The following NELL1 variants were observed in gnomAD, a reference collection of about 807,000 sequenced individuals.
NELL1 encodes protein kinase C-binding protein NELL1.
In NELL1, 76 loss-of-function variants were observed where a neutral mutation model predicts 107.4. The observed-to-expected ratio is 0.71, with a 90% CI of 0.59 to 0.86. The LOEUF is 0.86. Ranked by LOEUF, NELL1 falls within the 40% of genes least tolerant of loss-of-function variation. The probability of loss-of-function intolerance (pLI) is 0.00; values close to 1 mark genes in which losing one functional copy is unlikely to be tolerated. For synonymous variants in NELL1, 353 were observed against 341.2 expected (o/e 1.03, Z -0.38); for missense variants, 1,024 against 1,005.5 (o/e 1.02, Z -0.25).
intron 15 of NELL1, among the ~76,000 whole-genome samples, chr11:21,462,304 C>T (rs775454242): frequency 6.6e-6 from 1 of 152,116 alleles, no homozygotes; most frequent in Non-Finnish European, 1.5e-5. Flanking sequence ...AAGGGATATA[C>T]TAACTACTTC....
chr11:21,233,275 A>G (rs766123107), intron 14 of NELL1, among the ~76,000 whole-genome samples: 3 of 152,230 alleles, frequency 2.0e-5, no homozygotes, highest in Non-Finnish European at 2.9e-5. Context: ...AGTTCCCACC[A>G]TAATCTTGAG....
At chr11:21,138,284 A>T (rs116440597) in intron 13 of NELL1, among the ~76,000 whole-genome samples, 301 of 152,262 alleles carry the variant, frequency 2.0e-3, no homozygotes, top group African/African-American at 6.9e-3. Flanking sequence ...AAAGATTCTA[A>T]ATGTGAAGTT....
intron 4 of NELL1, 36 bp from the exon 5 acceptor site, chr11:20,885,408 C>T: frequency 7.4e-7 from 1 of 1,348,918 alleles, no homozygotes; most frequent in Admixed American, 1.7e-5. Context: ...CTGCTTTGAG[C>T]CTCTCTATTA....
intron 14 of NELL1, among the ~76,000 whole-genome samples, chr11:21,311,629 T>A (rs966511457): frequency 6.6e-6 from 1 of 152,172 alleles, no homozygotes; most frequent in Non-Finnish European, 1.5e-5. Context: ...CTCTAGAGCA[T>A]GTTGAACCTA....
At chr11:21,340,764 A>T (rs564243656) in intron 14 of NELL1, among the ~76,000 whole-genome samples, 8 of 152,214 alleles carry the variant, frequency 5.3e-5, no homozygotes, top group African/African-American at 1.9e-4. Context: ...GATTGTGAAG[A>T]TGGGAGAGAT....
At chr11:21,446,835 C>A (rs1853444569) in intron 15 of NELL1, among the ~76,000 whole-genome samples, 1 of 152,244 alleles carries the variant, frequency 6.6e-6, no homozygotes, top group Admixed American at 6.5e-5. Flanking sequence ...TGAGGCCAGC[C>A]AGTCTTGTTC....
intron 14 of NELL1, among the ~76,000 whole-genome samples, chr11:21,244,302 T>C (rs1858436502): frequency 6.6e-6 from 1 of 152,144 alleles, no homozygotes; most frequent in Admixed American, 6.6e-5. Context: ...CTCACTGTGC[T>C]GATGCTTATT....
intron 2 of NELL1, among the ~76,000 whole-genome samples, chr11:20,773,844 C>T (rs1294948734): frequency 6.6e-6 from 1 of 152,060 alleles, no homozygotes; most frequent in African/African-American, 2.4e-5. Context: ...AGCCTGAGCT[C>T]TTAACCACTA....
intron 3 of NELL1, among the ~76,000 whole-genome samples, chr11:20,796,037 C>T (rs1205949409): frequency 2.0e-5 from 3 of 152,138 alleles, no homozygotes; most frequent in African/African-American, 7.2e-5. Flanking sequence ...AGCAGTTCCT[C>T]ATACATCTCG....
intron 1 of NELL1, among the ~76,000 whole-genome samples, chr11:20,676,581 C>T (rs890539180): frequency 2.6e-5 from 4 of 152,184 alleles, no homozygotes; most frequent in African/African-American, 7.2e-5. Context: ...TGGCAATAAC[C>T]GGTTTCAGCT....
At chr11:20,728,778 T>A (rs1855565106) in intron 2 of NELL1, among the ~76,000 whole-genome samples, 1 of 152,200 alleles carries the variant, frequency 6.6e-6, no homozygotes, top group Non-Finnish European at 1.5e-5. Flanking sequence ...AGGATTGCTT[T>A]GACTATGGGG....
rs1379295792 is a variant in NELL1, at chr11:21,154,619, AAG to A, written c.1426+40906_1426+40907del. 2.6e-5 allele frequency among the ~76,000 whole-genome samples: 4 copies of A among 152,130 alleles called. 1 individual carries two copies. On this transcript the variant is annotated intron_variant, in intron 13 of 19. Coordinates refer to ENST00000357134, the MANE Select transcript of NELL1 (RefSeq NM_006157.5). ...TAAGGACAAAAATATAAAAATAGACAAGTTTCTTAAATAGTCATGAAGGAGGA... is the reference window on the plus strand; with the variant it reads ...TAAGGACAAAAATATAAAAATAGACATTTCTTAAATAGTCATGAAGGAGGA...
At chr11:21,346,912 T>A (rs557290788) in intron 14 of NELL1, among the ~76,000 whole-genome samples, 1 of 152,176 alleles carries the variant, frequency 6.6e-6, no homozygotes, top group African/African-American at 2.4e-5. Flanking sequence ...TAGCCTCTTA[T>A]TATAACGTGG....
intron 13 of NELL1, among the ~76,000 whole-genome samples, chr11:21,153,240 C>A (rs1169665799): frequency 6.6e-6 from 1 of 152,068 alleles, no homozygotes; most frequent in East Asian, 1.9e-4. Context: ...TTAAGCCTAT[C>A]TGAGGTGGGC....
Position 20,925,899 on chromosome 11 carries a change from C to T in NELL1, c.760-1409C>T, listed in dbSNP as rs1258504718. ...GAGAGTAGTTCTGGTATGAGTAAGT[C>T]AGAGGAAGGTGTATGAAATGGAACC... On this transcript the variant is annotated intron_variant, in intron 7 of 19. Transcript: ENST00000357134. Among the ~76,000 whole-genome samples, 3 of 152,016 alleles carry T rather than the reference C, an allele frequency of 2.0e-5. No individual in the cohort carries two copies. The East Asian group carries it at 5.8e-4, about 29-fold the overall frequency.
intron 2 of NELL1, among the ~76,000 whole-genome samples, chr11:20,720,759 A>G (rs908200760): frequency 2.6e-5 from 4 of 151,854 alleles, no homozygotes; most frequent in Admixed American, 6.6e-5. Context: ...GTGGATCTCT[A>G]TGTTCAAATT....
At chr11:21,292,776 A>G (rs1387488194) in intron 14 of NELL1, among the ~76,000 whole-genome samples, 2 of 152,126 alleles carry the variant, frequency 1.3e-5, no homozygotes, top group Non-Finnish European at 2.9e-5. Context: ...AATGCTCATA[A>G]TGCTACACAT....
rs73448546 is a variant in NELL1, at chr11:21,143,718, G to A, written c.1426+30004G>A. Reference sequence around the variant, plus strand: ...TGGGGCATTGGGTTTCTATGGTTGTGCAGTAGTAAGTCAGGAAATCTCATG... The same window carrying A: ...TGGGGCATTGGGTTTCTATGGTTGTACAGTAGTAAGTCAGGAAATCTCATG... On this transcript the variant is annotated intron_variant, in intron 13 of 19. Transcript: ENST00000357134. Among the ~76,000 whole-genome samples, 1,506 of 152,264 alleles carry A rather than the reference G, an allele frequency of 9.9e-3. 31 individuals carry two copies. Among genetic ancestry groups the A allele is most frequent in the African/African-American group, 0.034 (1,409 of 41,520 alleles).
chr11:21,102,725 A>G (rs1190505285), intron 12 of NELL1, among the ~76,000 whole-genome samples: 1 of 152,022 alleles, frequency 6.6e-6, no homozygotes, highest in Non-Finnish European at 1.5e-5. Context: ...CCTACTTCCC[A>G]CCTTTTGCAT....
Sources: gnomAD v4.1 joint callset for allele counts (sites outside exome capture counted in the v4.1 genomes callset) on GRCh38, gnomAD v4.1.1 for gene constraint, MANE v1.5 for transcripts, NCBI Gene and HGNC (gene_info 2026-07-23, HGNC 2026-07-21) for gene names.